SLC17A5: variants seen among roughly 807,000 people sequenced by gnomAD.
SLC17A5 encodes solute carrier family 17 member 5.
SLC17A5 carries 47 observed loss-of-function variants against 59.4 expected under a neutral mutation model. The observed-to-expected ratio is 0.79, with a 90% CI of 0.63 to 1.01. The LOEUF is 1.01. Ranked by LOEUF, SLC17A5 falls within the 50% of genes least tolerant of loss-of-function variation. The pLI, the probability that SLC17A5 is intolerant of heterozygous loss-of-function variation, is 0.00. For missense variants in SLC17A5, 522 were observed against 595.5 expected, an observed-to-expected ratio of 0.88 and a Z score of 1.28; for synonymous variants, 202 against 210.7, an observed-to-expected ratio of 0.96 and a Z score of 0.36.
At chr6:73,632,332 TCTC>T (rs1265089172) in intron 6 of SLC17A5, among the ~76,000 whole-genome samples, 1 of 148,588 alleles carries the variant, frequency 6.7e-6, no homozygotes, top group Non-Finnish European at 1.5e-5. Flanking sequence ...AATCTGGGCT[TCTC>T]CTCCTAACTC....
intron 4 of SLC17A5, among the ~76,000 whole-genome samples, chr6:73,637,448 TC>T (rs1769067687): frequency 6.6e-6 from 1 of 152,188 alleles, no homozygotes; most frequent in African/African-American, 2.4e-5. Context: ...CTCATGTCAA[TC>T]TCAACATAGC....
In SLC17A5 at chr6:73,635,547, TAACA is replaced by T. The variant is rs764421342; in HGVS notation, c.701-51_701-48del. ...TTAGATAAAATTAGAATGTACCAAA[TAACA>T]AACAAAACAAAACAAAAACACAAAA... On this transcript the variant is annotated intron_variant, in intron 5 of 10. Transcript: ENST00000355773. 2.9e-4 allele frequency: 282 copies of T among 966,920 alleles called. 1 individual carries two copies. In the African/African-American group the frequency reaches 4.3e-3, roughly 15 times the overall value. The allele number at this position is 966,920 out of a possible 1,614,324, so 59.9% of individuals were successfully genotyped here.
Position 73,637,423 on chromosome 6 carries a change from C to T in SLC17A5, c.614-716G>A, listed in dbSNP as rs371500523. Among the ~76,000 whole-genome samples, 7 of 152,172 alleles carry T rather than the reference C, an allele frequency of 4.6e-5. No individual in the cohort carries two copies. The East Asian group carries it at 5.8e-4, about 13-fold the overall frequency. On this transcript the variant is annotated intron_variant, in intron 4 of 10. Transcript: ENST00000355773. ...ACCTTAGATAGTACCTGTTCTTGAA[C>T]CTATCATCAGATTTCTCATGTCAAT...
chr6:73,653,678 G>A, intron 1 of SLC17A5, 115 bp downstream of exon 1: 1 of 1,162,316 alleles, frequency 8.6e-7, no homozygotes, highest in Non-Finnish European at 1.2e-6. Context: ...CCTCGCGCCT[G>A]AGCAGCTCCG....
intron 9 of SLC17A5, among the ~76,000 whole-genome samples, chr6:73,602,377 CTATTG>C (rs1767177308): frequency 6.6e-6 from 1 of 150,478 alleles, no homozygotes; most frequent in African/African-American, 2.5e-5. Flanking sequence ...CTTCCCTCCA[CTATTG>C]TCCTATGACC....
intron 9 of SLC17A5, among the ~76,000 whole-genome samples, chr6:73,606,582 C>A (rs967971421): frequency 6.6e-6 from 1 of 151,046 alleles, no homozygotes; most frequent in African/African-American, 2.4e-5. Context: ...AGACTTCAAC[C>A]ACCCACCTGA....
intron 1 of SLC17A5, among the ~76,000 whole-genome samples, chr6:73,646,799 A>T (rs1276818131): frequency 6.6e-6 from 1 of 151,908 alleles, no homozygotes; most frequent in African/African-American, 2.4e-5. Context: ...CAGCCTCTTG[A>T]GTAGCTGGGA....
At chr6:73,625,510 A>T (rs915668907) in intron 6 of SLC17A5, among the ~76,000 whole-genome samples, 2 of 152,128 alleles carry the variant, frequency 1.3e-5, no homozygotes, top group African/African-American at 4.8e-5. Context: ...TTTTAATATG[A>T]TCAAAGATGT....
At chr6:73,641,613 T>C in intron 3 of SLC17A5, 78 bp downstream of exon 3, 1 of 1,120,336 alleles carries the variant, frequency 8.9e-7, no homozygotes, top group South Asian at 1.5e-5. Flanking sequence ...TTCATATTCA[T>C]ACCAAAGAAT....
chr6:73,612,009 A>G (rs1349733940), intron 8 of SLC17A5, among the ~76,000 whole-genome samples: 2 of 150,760 alleles, frequency 1.3e-5, no homozygotes, highest in South Asian at 2.1e-4. Context: ...ATTTAATTTC[A>G]TTACTTTTAT....
chr6:73,597,792 GAAAC>G (rs1457573919), intron 10 of SLC17A5, among the ~76,000 whole-genome samples: 2 of 151,830 alleles, frequency 1.3e-5, no homozygotes, highest in African/African-American at 2.4e-5. Context: ...AAAAAACAAA[GAAAC>G]AAACAAACAA....
intron 6 of SLC17A5, among the ~76,000 whole-genome samples, chr6:73,625,872 G>A (rs1225550235): frequency 6.6e-6 from 1 of 152,082 alleles, no homozygotes; most frequent in Non-Finnish European, 1.5e-5. Context: ...ATCCCTGGGT[G>A]ATTTCAATGT....
At chr6:73,630,769 G>A (rs557304019) in intron 6 of SLC17A5, among the ~76,000 whole-genome samples, 96 of 152,224 alleles carry the variant, frequency 6.3e-4, no homozygotes, top group African/African-American at 1.9e-3. Flanking sequence ...CAGTCAGGCC[G>A]GGTGTGGTGG....
At chr6:73,601,151 C>T (rs1439524492) in intron 9 of SLC17A5, among the ~76,000 whole-genome samples, 2 of 149,204 alleles carry the variant, frequency 1.3e-5, no homozygotes, top group East Asian at 2.0e-4. Flanking sequence ...CGTCTCTGCC[C>T]GGCCGCCCAT....
chr6:73,603,205 C>T (rs184643129), intron 9 of SLC17A5, among the ~76,000 whole-genome samples: 3 of 152,044 alleles, frequency 2.0e-5, no homozygotes, highest in East Asian at 3.9e-4. Flanking sequence ...GATCTCAGCT[C>T]ATTGCAACCT....
intron 4 of SLC17A5, among the ~76,000 whole-genome samples, chr6:73,637,805 C>T (rs527715233): frequency 2.0e-4 from 31 of 151,764 alleles, no homozygotes; most frequent in African/African-American, 6.3e-4. Context: ...AAAAGCAGTC[C>T]GGTGGAAAAA....
intron 6 of SLC17A5, among the ~76,000 whole-genome samples, chr6:73,625,603 T>C (rs932483267): frequency 6.6e-6 from 1 of 152,198 alleles, no homozygotes; most frequent in Admixed American, 6.6e-5. Context: ...TTTACAATTA[T>C]AGGGGCCTGT....
intron 1 of SLC17A5, chr6:73,645,646 G>A (rs1342203320): frequency 3.9e-6 from 1 of 255,804 alleles, no homozygotes; most frequent in Non-Finnish European, 6.1e-6. Context: ...AAATTAGCCG[G>A]GCGTGGTCGC....
intron 1 of SLC17A5, chr6:73,645,380 A>C: frequency 1.0e-6 from 1 of 985,418 alleles, no homozygotes; most frequent in Middle Eastern, 5.2e-4. Context: ...AGAATCTAGA[A>C]GCAAACTTGC....
Sources: allele counts gnomAD v4.1 joint callset (sites outside exome capture counted in the v4.1 genomes callset), GRCh38; gene constraint gnomAD v4.1.1; transcripts MANE v1.5; gene names NCBI Gene and HGNC (gene_info 2026-07-23, HGNC 2026-07-21).